Variants in MPP7 observed in about 807,000 individuals in gnomAD.
The protein encoded by MPP7 is MAGUK p55 scaffold protein 7, also known as MAGUK p55 subfamily member 7.
A neutral mutation model predicts 76.5 loss-of-function variants in MPP7; 60 were observed. That is an observed-to-expected ratio of 0.78 (90% confidence interval 0.64 to 0.97). The LOEUF is 0.97. Among genes scored for constraint, MPP7 ranks in the 50% least tolerant of loss-of-function variants. The probability of loss-of-function intolerance (pLI) is 0.00; values close to 1 mark genes in which losing one functional copy is unlikely to be tolerated. For missense variants in MPP7, 641 were observed against 694.0 expected (o/e 0.92, Z 0.86); for synonymous variants, 237 against 244.5 (o/e 0.97, Z 0.29).
At chr10:28,125,136 C>T (rs375774951) in intron 6 of MPP7, 45 bp from the exon 7 acceptor site, 4 of 1,492,600 alleles carry the variant, frequency 2.7e-6, no homozygotes, top group Admixed American at 3.4e-5. Context: ...AATGTGTGTA[C>T]TAGGTGTTAG....
At chr10:28,258,528 T>C (rs1658333231) in intron 1 of MPP7, among the ~76,000 whole-genome samples, 1 of 151,032 alleles carries the variant, frequency 6.6e-6, no homozygotes, top group Admixed American at 6.6e-5. Context: ...GCCTCCCAAG[T>C]AGCTGGGATT....
rs188013582 is a variant in MPP7 at position 28,107,072 on chromosome 10, A to C, written c.952+12579T>G. Among the ~76,000 whole-genome samples the C allele has an allele frequency of 2.6e-5, 4 of 152,326 alleles. No individual in the cohort carries two copies. The East Asian group carries it at 7.7e-4, about 29-fold the overall frequency. On this transcript the variant is annotated intron_variant, in intron 11 of 16. Coordinates refer to ENST00000683449, the MANE Select transcript of MPP7 (RefSeq NM_001318170.2). The stretch of plus-strand genomic sequence containing the variant: ...ACCAAAATCTGGCAAAACTTTAATA[A>C]ATGTGTCAATTACTTAACCTAAAAC...
intron 12 of MPP7, among the ~76,000 whole-genome samples, chr10:28,073,556 T>C (rs1852336126): frequency 2.0e-5 from 3 of 152,040 alleles, no homozygotes; most frequent in South Asian, 2.1e-4. Flanking sequence ...GATCATTTGA[T>C]ATCAGGAGTT....
At chr10:28,197,435 A>C (rs999538474) in intron 3 of MPP7, among the ~76,000 whole-genome samples, 11 of 152,030 alleles carry the variant, frequency 7.2e-5, no homozygotes, top group African/African-American at 2.4e-4. Context: ...CACCTGCCTC[A>C]GCCTCCCAAA....
Position 28,302,970 on chromosome 10 carries a change from C to T in MPP7, c.-241G>A, listed in dbSNP as rs1261477224. Reference sequence around the variant, plus strand: ...GACCGCCACCGCCGCAGAGGACAATCGGGAGCCAGCGGGCTCGGCACCGCC... The same window carrying T: ...GACCGCCACCGCCGCAGAGGACAATTGGGAGCCAGCGGGCTCGGCACCGCC... On this transcript the variant is annotated 5_prime_UTR_variant, in exon 1 of 17. Coordinates refer to ENST00000683449, the MANE Select transcript of MPP7 (RefSeq NM_001318170.2). Among the ~76,000 whole-genome samples the T allele has an allele frequency of 2.0e-5, 3 of 151,144 alleles. No individual in the cohort carries two copies. The highest frequency in any genetic ancestry group is 4.8e-5 in the African/African-American group (2 of 41,374).
intron 11 of MPP7, among the ~76,000 whole-genome samples, chr10:28,115,069 G>GTTT (rs200190502): frequency 0.03 from 3,963 of 133,266 alleles, 109 homozygotes; most frequent in East Asian, 0.22. Context: ...AATACGTTAG[G>GTTT]TTTTTTGTTT....
intron 13 of MPP7, among the ~76,000 whole-genome samples, chr10:28,063,258 G>A (rs1224169817): frequency 6.6e-6 from 1 of 151,966 alleles, no homozygotes; most frequent in South Asian, 2.1e-4. Flanking sequence ...CCAGGAGCTC[G>A]AAACCATCCT....
At chr10:28,239,304 C>T (rs1839187427) in intron 1 of MPP7, among the ~76,000 whole-genome samples, 1 of 151,802 alleles carries the variant, frequency 6.6e-6, no homozygotes, top group Non-Finnish European at 1.5e-5. Flanking sequence ...CGCCACCAAG[C>T]CTGGCTAATT....
intron 11 of MPP7, among the ~76,000 whole-genome samples, chr10:28,090,224 G>A (rs562645733): frequency 1.2e-3 from 178 of 152,232 alleles, no homozygotes; most frequent in Non-Finnish European, 1.2e-3. Flanking sequence ...GCTTCCCAAA[G>A]TGTTGGGATT....
At chr10:28,109,867 A>AAAAAAAAAAAAAAAAAAAAAC (rs1834447582) in intron 11 of MPP7, among the ~76,000 whole-genome samples, 3 of 149,438 alleles carry the variant, frequency 2.0e-5, no homozygotes, top group African/African-American at 7.4e-5. Flanking sequence ...AAAAAAAAAA[A>AAAAAAAAAAAAAAAAAAAAAC]AAAAAACACT....
chr10:28,111,496 T>G (rs906121002), intron 11 of MPP7, among the ~76,000 whole-genome samples: 2 of 152,186 alleles, frequency 1.3e-5, no homozygotes, highest in South Asian at 2.1e-4. Context: ...GGATTACATT[T>G]ATTTTCATAG....
chr10:28,174,732 T>C (rs994023905), intron 3 of MPP7, among the ~76,000 whole-genome samples: 18 of 152,198 alleles, frequency 1.2e-4, no homozygotes, highest in African/African-American at 4.3e-4. Context: ...TTCCTTAGTA[T>C]ATACCCAACA....
chr10:28,236,338 G>T (rs1236772834), intron 2 of MPP7, among the ~76,000 whole-genome samples: 2 of 152,138 alleles, frequency 1.3e-5, no homozygotes, highest in South Asian at 2.1e-4. Context: ...TGTATAGAGA[G>T]ATATAGATAA....
chr10:28,166,542 G>A (rs1005562760), intron 3 of MPP7, among the ~76,000 whole-genome samples: 5 of 151,440 alleles, frequency 3.3e-5, no homozygotes, highest in Admixed American at 6.6e-5. Context: ...CAAGTAGCTG[G>A]GATTACAGGC....
intron 7 of MPP7, among the ~76,000 whole-genome samples, chr10:28,124,517 C>T (rs934706773): frequency 6.0e-5 from 8 of 133,400 alleles, no homozygotes; most frequent in African/African-American, 2.3e-4. Context: ...GCTCTGTCAC[C>T]CAGGCTGGAG....
Position 28,327,773 on chromosome 10 carries a change from G to T in MPP7, c.-132+2156C>A, listed in dbSNP as rs563814702. 3.6e-4 allele frequency among the ~76,000 whole-genome samples: 55 copies of T among 152,290 alleles called. 1 individual carries two copies. Among genetic ancestry groups the T allele is most frequent in the African/African-American group, 1.3e-3 (54 of 41,562 alleles). ...GGCCTGGCTGCTCAGCACACTAGCA[G>T]CTATTGTGCCCTGACATTATATTCG... is the stretch of plus-strand genomic sequence containing the variant. On this transcript the variant is annotated intron_variant, in intron 2 of 11. Coordinates refer to the MPP7 transcript ENST00000441595.
At chr10:28,304,710 A>G (rs1040634778), upstream of MPP7, among the ~76,000 whole-genome samples, 3 of 152,236 alleles carry the variant, frequency 2.0e-5, no homozygotes, top group Non-Finnish European at 2.9e-5. Flanking sequence ...AACTTAGCCT[A>G]GTATGAACAA....
chr10:28,218,736 T>C lies in MPP7; in HGVS notation c.38-16465A>G, dbSNP rs118151080. ...CAAAGTAAAAAATTACTAAATAAAA[T>C]AGAAGTTTCTGTTGTCCAAAACAAA... On this transcript the variant is annotated intron_variant, in intron 2 of 16. Coordinates refer to ENST00000683449, the MANE Select transcript of MPP7 (RefSeq NM_001318170.2). Among the ~76,000 whole-genome samples, 24 of 152,232 alleles carry C rather than the reference T, an allele frequency of 1.6e-4. No homozygotes were observed. In the East Asian group the frequency reaches 4.2e-3, roughly 27 times the overall value.
intron 1 of MPP7, among the ~76,000 whole-genome samples, chr10:28,243,258 GC>G (rs1839329134): frequency 6.6e-6 from 1 of 152,106 alleles, no homozygotes; most frequent in African/African-American, 2.4e-5. Context: ...TTAAAAACTT[GC>G]ATCCACTAGA....
Sources: gnomAD v4.1 joint callset for allele counts (sites outside exome capture counted in the v4.1 genomes callset) on GRCh38, gnomAD v4.1.1 for gene constraint, MANE v1.5 for transcripts, NCBI Gene and HGNC (gene_info 2026-07-23, HGNC 2026-07-21) for gene names.